Variants in YWHAE observed in about 807,000 individuals in gnomAD.
YWHAE encodes tyrosine 3-monooxygenase/tryptophan 5-monooxygenase activation protein epsilon, also known as 14-3-3 protein epsilon.
A neutral mutation model predicts 30.1 loss-of-function variants in YWHAE; 4 were observed. The ratio of observed to expected loss-of-function variants is 0.13; its 90% CI spans 0.07 to 0.30. YWHAE has a LOEUF of 0.30. Ranked by LOEUF, YWHAE falls within the 10% of genes least tolerant of loss-of-function variation. The pLI is 1.00. For synonymous variants in YWHAE, 118 were observed against 111.8 expected (o/e 1.06, Z -0.35); for missense variants, 121 against 315.9 (o/e 0.38, Z 4.68).
At chr17:1,388,254 C>T (rs1398098736) in intron 1 of YWHAE, among the ~76,000 whole-genome samples, 10 of 150,088 alleles carry the variant, frequency 6.7e-5, no homozygotes, top group Non-Finnish European at 1.5e-4. Flanking sequence ...CTGTGGCTCA[C>T]GCCTGTAATC....
intron 1 of YWHAE, among the ~76,000 whole-genome samples, chr17:1,389,419 A>T (rs1299695274): frequency 6.6e-6 from 1 of 152,166 alleles, no homozygotes; most frequent in Non-Finnish European, 1.5e-5. Context: ...TCCAAGGCTT[A>T]TATTATGCCT....
At chr17:1,379,956 TCTA>T (rs1230970761) in intron 1 of YWHAE, among the ~76,000 whole-genome samples, 1 of 152,168 alleles carries the variant, frequency 6.6e-6, no homozygotes, top group East Asian at 1.9e-4. Context: ...CCTATTCTAG[TCTA>T]CTAACTTTGA....
intron 1 of YWHAE, among the ~76,000 whole-genome samples, chr17:1,384,573 C>A (rs376162706): frequency 6.6e-6 from 1 of 151,898 alleles, no homozygotes; most frequent in Non-Finnish European, 1.5e-5. Context: ...GGCACCTGTA[C>A]TCCCAGCTAC....
chr17:1,349,325 G>C (rs192315647), intron 5 of YWHAE, among the ~76,000 whole-genome samples: 8 of 152,146 alleles, frequency 5.3e-5, no homozygotes, highest in Non-Finnish European at 1.2e-4. Context: ...CTGGGCAACA[G>C]AGTGATACTC....
intron 4 of YWHAE, among the ~76,000 whole-genome samples, chr17:1,355,217 C>T (rs1337757320): frequency 2.8e-5 from 3 of 108,836 alleles, no homozygotes; most frequent in South Asian, 3.5e-4. Context: ...AGTGCAGTGG[C>T]GGGATGTAGG....
chr17:1,399,803 C>T (rs1567992588), intron 1 of YWHAE: 2 of 560,392 alleles, frequency 3.6e-6, no homozygotes, highest in South Asian at 2.0e-5. Context: ...CCAACTCCTC[C>T]ACCCCGTCGC....
chr17:1,384,042 A>G (rs2073260657), intron 1 of YWHAE, among the ~76,000 whole-genome samples: 1 of 151,968 alleles, frequency 6.6e-6, no homozygotes, highest in Non-Finnish European at 1.5e-5. Flanking sequence ...CATTTCTACT[A>G]AAAATACAAA....
intron 1 of YWHAE, among the ~76,000 whole-genome samples, chr17:1,396,869 G>A (rs937418566): frequency 6.6e-5 from 10 of 151,072 alleles, no homozygotes; most frequent in Admixed American, 3.3e-4. Flanking sequence ...TGATCCACCC[G>A]CCTTGGCCTC....
At chr17:1,355,125 A>C (rs1298420325) in intron 4 of YWHAE, among the ~76,000 whole-genome samples, 1,357 of 39,392 alleles carry the variant, frequency 0.034, 34 homozygotes, top group East Asian at 0.11. Context: ...TTAAAAAAAA[A>C]AAAAAAAAAA....
chr17:1,350,669 T>C (rs11654622), intron 5 of YWHAE, among the ~76,000 whole-genome samples: 111,338 of 151,114 alleles, frequency 0.74, 42,356 homozygotes, highest in African/African-American at 0.93. Flanking sequence ...CTCAAACTCC[T>C]GACCTCAGGT....
intron 4 of YWHAE, among the ~76,000 whole-genome samples, chr17:1,354,920 C>T (rs1252249793): frequency 1.4e-5 from 2 of 147,698 alleles, no homozygotes; most frequent in African/African-American, 4.9e-5. Flanking sequence ...CCTCAGCATC[C>T]CAAAGTGCTG....
At chr17:1,357,730 A>T (rs2072777765) in intron 4 of YWHAE, among the ~76,000 whole-genome samples, 1 of 152,066 alleles carries the variant, frequency 6.6e-6, no homozygotes, top group South Asian at 2.1e-4. Flanking sequence ...GTCCAAGACC[A>T]GCCTGGCCAA....
chr17:1,356,953 CAAA>C (rs1389229025), intron 4 of YWHAE, among the ~76,000 whole-genome samples: 2 of 150,834 alleles, frequency 1.3e-5, no homozygotes, highest in African/African-American at 2.4e-5. Context: ...TGTCCTCAAA[CAAA>C]CCAAAAAAAA....
At chr17:1,368,680 C>T (rs1006681585) in intron 1 of YWHAE, among the ~76,000 whole-genome samples, 10 of 152,004 alleles carry the variant, frequency 6.6e-5, no homozygotes, top group Non-Finnish European at 1.0e-4. Flanking sequence ...AAACCAGTCA[C>T]GAAACAGTCT....
At position 1,344,899 on chromosome 17, in the gene YWHAE, C is replaced by T. The variant is rs993396663; in HGVS notation, c.*548G>A. 7 of 233,138 alleles carry T rather than the reference C, an allele frequency of 3.0e-5. No individual in the cohort carries two copies. Among genetic ancestry groups the T allele is most frequent in the South Asian group, 1.8e-4 (1 of 5,544 alleles). 14.4% of individuals were successfully genotyped at this position (233,138 alleles called of 1,614,324 possible). ...ACCATGCTTTTCAGCAACATTTCAG[C>T]GGAGTTGGAAACATTTTTTACAGCA... On this transcript the variant is annotated 3_prime_UTR_variant, in exon 6 of 6. Coordinates refer to ENST00000264335, the MANE Select transcript of YWHAE (RefSeq NM_006761.5).
intron 4 of YWHAE, among the ~76,000 whole-genome samples, chr17:1,357,021 G>C (rs1200189453): frequency 1.3e-5 from 2 of 151,764 alleles, no homozygotes; most frequent in East Asian, 1.9e-4. Flanking sequence ...TGTAATCCCA[G>C]CACTTTGGGA....
In YWHAE at chr17:1,364,912, C is replaced by G. The variant is rs2072920469; in HGVS notation, c.211G>C (p.Glu71Gln). The G allele has an allele frequency of 6.2e-7, 1 of 1,614,110 alleles. No individual in the cohort carries two copies. The highest frequency in any genetic ancestry group is 8.5e-7 in the Non-Finnish European group (1 of 1,179,994). The change falls in exon 2 of 6, where the codon GAA becomes CAA. Residue 71 changes from glutamate (E) to glutamine (Q), a missense_variant. Physicochemically the swap from Glu to Gln is conservative, Grantham distance 29 (BLOSUM62 2). Transcript: ENST00000264335. Reference protein sequence around the residue: ...RIISSIEQKEENKGGEDKLKM... With the variant: ...RIISSIEQKEQNKGGEDKLKM... ...AGCTTGTCTTCTCCTCCCTTGTTTT[C>G]TTCTTTCTGTTCAATGCTGCTGATT...
chr17:1,351,002 T>A (rs537462496), intron 5 of YWHAE, among the ~76,000 whole-genome samples: 2 of 151,554 alleles, frequency 1.3e-5, no homozygotes, highest in South Asian at 2.1e-4. Context: ...GAGGTTGCAG[T>A]GAGCCGAGAT....
At chr17:1,366,365 C>T (rs2072941795) in intron 1 of YWHAE, among the ~76,000 whole-genome samples, 1 of 151,002 alleles carries the variant, frequency 6.6e-6, no homozygotes, top group South Asian at 2.1e-4. Flanking sequence ...CGTGGTGAAA[C>T]GGTCTCTACT....
Sources: allele counts gnomAD v4.1 joint callset (sites outside exome capture counted in the v4.1 genomes callset), GRCh38; gene constraint gnomAD v4.1.1; transcripts MANE v1.5; gene names NCBI Gene and HGNC (gene_info 2026-07-23, HGNC 2026-07-21).